Variants in ZBTB8A observed in about 807,000 individuals in gnomAD.
ZBTB8A encodes zinc finger and BTB domain-containing protein 8A.
ZBTB8A carries 19 observed loss-of-function variants against 37.8 expected under a neutral mutation model. The ratio of observed to expected loss-of-function variants is 0.50; its 90% CI spans 0.35 to 0.74. The LOEUF (loss-of-function observed/expected upper bound fraction) is 0.74, where lower values mean the gene tolerates loss of function less well. Among genes scored for constraint, ZBTB8A ranks in the 30% least tolerant of loss-of-function variants. ZBTB8A has a pLI of 0.01. For synonymous variants in ZBTB8A, 181 were observed against 185.2 expected, an observed-to-expected ratio of 0.98 and a Z score of 0.19; for missense variants, 394 against 537.8, an observed-to-expected ratio of 0.73 and a Z score of 2.65.
At chr1:32,591,065 T>TC (rs1191201658) in intron 2 of ZBTB8A, among the ~76,000 whole-genome samples, 3 of 149,362 alleles carry the variant, frequency 2.0e-5, no homozygotes, top group African/African-American at 7.4e-5. Flanking sequence ...AGCTAAACTT[T>TC]TTTTTTTTTT....
chr1:32,544,416 A>G (rs1430834345), intron 1 of ZBTB8A, among the ~76,000 whole-genome samples: 3 of 152,198 alleles, frequency 2.0e-5, no homozygotes, highest in East Asian at 3.8e-4. Context: ...AACACAGGAA[A>G]GCTGGGCACA....
At chr1:32,545,134 TCTTA>T (rs1212311711) in intron 1 of ZBTB8A, among the ~76,000 whole-genome samples, 8 of 152,198 alleles carry the variant, frequency 5.3e-5, no homozygotes, top group Non-Finnish European at 1.0e-4. Context: ...GTGTGAAGGT[TCTTA>T]CTTATCTATA....
Position 32,560,741 on chromosome 1 carries a change from G to A in ZBTB8A, c.-2+7201G>A, listed in dbSNP as rs550747551. Among the ~76,000 whole-genome samples the A allele has an allele frequency of 8.1e-5, 12 of 148,044 alleles. No homozygotes were observed. The South Asian group carries it at 1.9e-3, about 24-fold the overall frequency. ...AAGTTCAAGCAATTCTCCCACCTCA[G>A]CCTCCTGAGTAGCTAAGATTACAGT... On this transcript the variant is annotated intron_variant, in intron 2 of 4. Transcript: ENST00000373510.
At chr1:32,562,678 G>A (rs765310702) in intron 2 of ZBTB8A, among the ~76,000 whole-genome samples, 21 of 146,966 alleles carry the variant, frequency 1.4e-4, no homozygotes, top group Non-Finnish European at 2.8e-4. Context: ...GCTGATTCAA[G>A]CGATTCTCCT....
chr1:32,541,381 G>A (rs186479715), intron 1 of ZBTB8A, among the ~76,000 whole-genome samples: 1 of 152,000 alleles, frequency 6.6e-6, no homozygotes, highest in Non-Finnish European at 1.5e-5. Context: ...TGCACTTGCC[G>A]TTCCCTTTGC....
chr1:32,568,473 G>A (rs1446301284), intron 2 of ZBTB8A, among the ~76,000 whole-genome samples: 3 of 151,408 alleles, frequency 2.0e-5, no homozygotes, highest in Non-Finnish European at 2.9e-5. Flanking sequence ...TGCAAGCTCC[G>A]CCTGCCGGGT....
intron 2 of ZBTB8A, among the ~76,000 whole-genome samples, chr1:32,581,973 C>G (rs535061445): frequency 6.6e-6 from 1 of 151,978 alleles, no homozygotes. Context: ...CTGGTCCTAC[C>G]CATGAGGATT....
chr1:32,584,508 C>CTTTTTTTTT (rs1177778440), intron 2 of ZBTB8A, among the ~76,000 whole-genome samples: 53 of 117,844 alleles, frequency 4.5e-4, no homozygotes, highest in Non-Finnish European at 5.8e-4. Context: ...TTCTTTCTTT[C>CTTTTTTTTT]TTTTTTTTTT....
At chr1:32,581,930 G>A (rs1378365699) in intron 2 of ZBTB8A, among the ~76,000 whole-genome samples, 1 of 152,088 alleles carries the variant, frequency 6.6e-6, no homozygotes, top group Non-Finnish European at 1.5e-5. Flanking sequence ...AATAGCATGG[G>A]CGGAGCTGCT....
At chr1:32,576,270 TAA>T (rs1224370804) in intron 2 of ZBTB8A, among the ~76,000 whole-genome samples, 1 of 152,220 alleles carries the variant, frequency 6.6e-6, no homozygotes, top group Non-Finnish European at 1.5e-5. Context: ...GCCTTTTAAG[TAA>T]AAGTTTGTCA....
intron 2 of ZBTB8A, among the ~76,000 whole-genome samples, chr1:32,556,245 T>C (rs1570321106): frequency 6.6e-6 from 1 of 152,142 alleles, no homozygotes; most frequent in East Asian, 1.9e-4. Flanking sequence ...AATTGTTATA[T>C]TTTTAGTAGA....
intron 4 of ZBTB8A, among the ~76,000 whole-genome samples, chr1:32,596,429 A>G (rs1428984224): frequency 1.3e-5 from 2 of 151,904 alleles, no homozygotes; most frequent in East Asian, 3.9e-4. Flanking sequence ...CAAAAATACA[A>G]AAATTAGCTG....
chr1:32,589,502 C>T (rs931764567), intron 2 of ZBTB8A, among the ~76,000 whole-genome samples: 1 of 151,874 alleles, frequency 6.6e-6, no homozygotes, highest in Admixed American at 6.6e-5. Context: ...CCGCCTGCCT[C>T]AGCCTCCCAA....
intron 2 of ZBTB8A, among the ~76,000 whole-genome samples, chr1:32,577,377 T>C (rs1481081174): frequency 6.6e-6 from 1 of 151,476 alleles, no homozygotes; most frequent in Non-Finnish European, 1.5e-5. Flanking sequence ...GTTGAGCTCC[T>C]GAGCTCAGGC....
chr1:32,593,863 T>C (rs1644509450), intron 3 of ZBTB8A, 109 bp downstream of exon 3: 1 of 862,056 alleles, frequency 1.2e-6, no homozygotes. Flanking sequence ...TTGAAGCAAG[T>C]GATTTTTTTC....
chr1:32,581,318 ATATAAG>A (rs1644405270), intron 2 of ZBTB8A, among the ~76,000 whole-genome samples: 1 of 119,630 alleles, frequency 8.4e-6, no homozygotes, highest in Non-Finnish European at 1.6e-5. Context: ...AATATATAAT[ATATAAG>A]TATATATAAT....
intron 2 of ZBTB8A, among the ~76,000 whole-genome samples, chr1:32,582,507 A>C (rs1446480687): frequency 6.6e-6 from 1 of 151,996 alleles, no homozygotes. Flanking sequence ...AATTAGCTGG[A>C]CATGGTGGCA....
chr1:32,599,838 G>T (rs1644561962), intron 4 of ZBTB8A, among the ~76,000 whole-genome samples: 1 of 152,048 alleles, frequency 6.6e-6, no homozygotes, highest in Admixed American at 6.6e-5. Context: ...TGGATTAAGG[G>T]ATAGGTGAAA....
chr1:32,541,952 G>A (rs567323569), intron 1 of ZBTB8A, among the ~76,000 whole-genome samples: 47 of 152,218 alleles, frequency 3.1e-4, no homozygotes, highest in African/African-American at 1.1e-3. Context: ...ACAATGGCTT[G>A]ACTTACGATT....
Sources: gnomAD v4.1 joint callset for allele counts (sites outside exome capture counted in the v4.1 genomes callset) on GRCh38, gnomAD v4.1.1 for gene constraint, MANE v1.5 for transcripts, NCBI Gene and HGNC (gene_info 2026-07-23, HGNC 2026-07-21) for gene names.